AREL1: variants seen among roughly 807,000 people sequenced by gnomAD.
The protein encoded by AREL1 is apoptosis-resistant E3 ubiquitin protein ligase 1.
AREL1 carries 62 observed loss-of-function variants against 99.0 expected under a neutral mutation model. The observed-to-expected ratio is 0.63, with a 90% CI of 0.51 to 0.77. The LOEUF (loss-of-function observed/expected upper bound fraction) is 0.77. Among genes scored for constraint, AREL1 ranks in the 30% least tolerant of loss-of-function variants. AREL1 has a pLI of 0.00. For synonymous variants in AREL1, 380 were observed against 376.5 expected (o/e 1.01, Z -0.11); for missense variants, 879 against 1,027.6 (o/e 0.86, Z 1.98).
intron 1 of AREL1, among the ~76,000 whole-genome samples, chr14:74,695,719 C>T (rs1485261806): frequency 1.3e-5 from 2 of 152,174 alleles, no homozygotes; most frequent in Non-Finnish European, 2.9e-5. Context: ...AGCAGTCTCT[C>T]CTAATAGATT....
At chr14:74,695,006 A>AG (rs1176198875) in intron 1 of AREL1, among the ~76,000 whole-genome samples, 33 of 150,780 alleles carry the variant, frequency 2.2e-4, no homozygotes, top group Admixed American at 7.3e-4. Context: ...AAAAAAAAAA[A>AG]AAAGAAAGAA....
intron 1 of AREL1, among the ~76,000 whole-genome samples, chr14:74,696,022 C>G (rs1051934299): frequency 1.3e-5 from 2 of 152,256 alleles, no homozygotes; most frequent in South Asian, 2.1e-4. Flanking sequence ...TCCTAACAGC[C>G]GCCTGTTTTT....
In AREL1 at chr14:74,713,030, A is replaced by C; in HGVS notation, c.-431T>G. 1 of 1,156,432 alleles carries C rather than the reference A, an allele frequency of 8.6e-7. No individual in the cohort carries two copies. The highest frequency in any genetic ancestry group is 1.3e-5 in the South Asian group (1 of 79,772). The allele number at this position is 1,156,432 out of a possible 1,614,324, so 71.6% of individuals were successfully genotyped here. On this transcript the variant is annotated 5_prime_UTR_variant, in exon 1 of 20. Coordinates refer to ENST00000356357, the MANE Select transcript of AREL1 (RefSeq NM_001039479.2). ...AGACGGGCTCCCCACTCTCCCACCA[A>C]CAGACCCCAGAGTTGGTCTCCACCC...
In AREL1 at chr14:74,691,354, C is replaced by A. The variant is rs1048892107; in HGVS notation, c.-46+687G>T. 1.6e-4 allele frequency among the ~76,000 whole-genome samples: 21 copies of A among 131,638 alleles called. No individual in the cohort carries two copies. In the Admixed American group the frequency reaches 1.7e-3, roughly 10 times the overall value. 86.4% of individuals were successfully genotyped at this position (131,638 alleles called of 152,430 possible). A position where few individuals can be genotyped will look rare whatever the true frequency, so the allele number is the denominator to read the frequency against. ...AAAAAAAAAAAAAAAAAAAAGCCTACGTCTAACTCCGAAGCTCAATGCTCT... is the reference window on the plus strand; with the variant it reads ...AAAAAAAAAAAAAAAAAAAAGCCTAAGTCTAACTCCGAAGCTCAATGCTCT... On this transcript the variant is annotated intron_variant, in intron 2 of 19. Coordinates refer to ENST00000356357, the MANE Select transcript of AREL1 (RefSeq NM_001039479.2).
At chr14:74,675,280 G>A (rs1275153602) in intron 8 of AREL1, among the ~76,000 whole-genome samples, 2 of 152,214 alleles carry the variant, frequency 1.3e-5, no homozygotes, top group African/African-American at 4.8e-5. Context: ...TGAGATTAAA[G>A]AGATGCAATG....
At chr14:74,705,802 C>CGT (rs1025279100) in intron 1 of AREL1, among the ~76,000 whole-genome samples, 1 of 152,174 alleles carries the variant, frequency 6.6e-6, no homozygotes, top group Admixed American at 6.5e-5. Context: ...TCTTCAGACC[C>CGT]GTATTTCTTT....
chr14:74,677,500 CTTTTTTTTTTTTTTTT>C lies in AREL1; in HGVS notation c.482-764_482-749del, dbSNP rs58383006. On this transcript the variant is annotated intron_variant, in intron 5 of 19. Coordinates refer to ENST00000356357, the MANE Select transcript of AREL1 (RefSeq NM_001039479.2). The stretch of plus-strand genomic sequence containing the variant: ...GACAAAGGGAGACCCTGTCTCTCTC[CTTTTTTTTTTTTTTTT>C]TTTTTTTTGAGACAGAGTCACGCTC... Among the ~76,000 whole-genome samples, 126 of 63,176 alleles carry C rather than the reference CTTTTTTTTTTTTTTTT, an allele frequency of 2.0e-3. 1 individual carries two copies. The Admixed American group carries it at 0.022, about 11-fold the overall frequency. 41.4% of individuals were successfully genotyped at this position (63,176 alleles called of 152,430 possible). A position where few individuals can be genotyped will look rare whatever the true frequency, so the allele number is the denominator to read the frequency against.
At chr14:74,667,404 C>T (rs1338086123) in intron 16 of AREL1, 27 bp from the exon 17 acceptor site, 1 of 1,614,188 alleles carries the variant, frequency 6.2e-7, no homozygotes, top group South Asian at 1.1e-5. Flanking sequence ...AAGTTAAAGT[C>T]ATACCCACAC....
intron 2 of AREL1, among the ~76,000 whole-genome samples, chr14:74,689,469 C>T (rs2089821672): frequency 6.6e-6 from 1 of 152,058 alleles, no homozygotes; most frequent in Non-Finnish European, 1.5e-5. Context: ...ATCTCCTGAT[C>T]CTGAGGTCTA....
At chr14:74,702,318 T>C (rs1267090198) in intron 1 of AREL1, among the ~76,000 whole-genome samples, 1 of 152,232 alleles carries the variant, frequency 6.6e-6, no homozygotes, top group Non-Finnish European at 1.5e-5. Context: ...TCCTCTGAAA[T>C]CCAGGCAGAG....
At position 74,680,205 on chromosome 14, in the gene AREL1, A is replaced by G. The variant is rs557697920; in HGVS notation, c.481+3091T>C. Among the ~76,000 whole-genome samples, 28 of 149,884 alleles carry G rather than the reference A, an allele frequency of 1.9e-4. No homozygotes were observed. In the South Asian group the frequency reaches 4.2e-3, roughly 22 times the overall value. ...AAAAAGAAAAAAAGAAAGAAAGAAA[A>G]GAAAAGAAAAGAGAAAAGAAAAGAA... On this transcript the variant is annotated intron_variant, in intron 5 of 19. Transcript: ENST00000356357.
chr14:74,692,835 C>G (rs2089910917), intron 1 of AREL1, among the ~76,000 whole-genome samples: 6 of 152,146 alleles, frequency 3.9e-5, no homozygotes, highest in Admixed American at 3.9e-4. Context: ...TCCCAAGTAG[C>G]TGGGACTACA....
chr14:74,702,402 G>T (rs947514776), intron 1 of AREL1, among the ~76,000 whole-genome samples: 6 of 152,216 alleles, frequency 3.9e-5, no homozygotes, highest in African/African-American at 1.4e-4. Flanking sequence ...AAGGCTTGGG[G>T]CTTGCACCTT....
At chr14:74,691,737 T>C (rs1305976711) in intron 2 of AREL1, among the ~76,000 whole-genome samples, 1 of 152,222 alleles carries the variant, frequency 6.6e-6, no homozygotes, top group Non-Finnish European at 1.5e-5. Flanking sequence ...CTCAAGGGAC[T>C]GTTAGAAAGT....
chr14:74,678,776 A>G (rs2139900634), intron 5 of AREL1, among the ~76,000 whole-genome samples: 1 of 151,850 alleles, frequency 6.6e-6, no homozygotes, highest in Non-Finnish European at 1.5e-5. Context: ...CTAAATACAC[A>G]TTTTCAAACT....
In AREL1 at chr14:74,663,287, T is replaced by C; in HGVS notation, c.*433A>G. 1 of 244,340 alleles carries C rather than the reference T, an allele frequency of 4.1e-6. No homozygotes were observed. The highest frequency in any genetic ancestry group is 8.2e-6 in the Non-Finnish European group (1 of 121,402). The allele number at this position is 244,340 out of a possible 1,614,324, so 15.1% of individuals were successfully genotyped here. A position where few individuals can be genotyped will look rare whatever the true frequency, so the allele number is the denominator to read the frequency against. Reference sequence around the variant, plus strand: ...ACCCCACCCATGAGAAGGACTCAAGTACCAGTCTGGTCAAGTAGTGAGGGC... The same window carrying C: ...ACCCCACCCATGAGAAGGACTCAAGCACCAGTCTGGTCAAGTAGTGAGGGC... On this transcript the variant is annotated 3_prime_UTR_variant, in exon 20 of 20. Coordinates refer to ENST00000356357, the MANE Select transcript of AREL1 (RefSeq NM_001039479.2).
At position 74,712,939 on chromosome 14, in the gene AREL1, C is replaced by T. The variant is rs1173340615; in HGVS notation, c.-340G>A. On this transcript the variant is annotated 5_prime_UTR_variant, in exon 1 of 20. Transcript: ENST00000356357. ...GGCTGGAGAGAAACGTTACCCGAGC[C>T]GGGGGTTGCAGCGCGACGAAGTTCC... The T allele has an allele frequency of 7.3e-6, 5 of 686,186 alleles. No homozygotes were observed. Among genetic ancestry groups the T allele is most frequent in the Non-Finnish European group, 1.3e-5 (5 of 375,760 alleles). The allele number at this position is 686,186 out of a possible 1,614,324, so 42.5% of individuals were successfully genotyped here.
intron 1 of AREL1, among the ~76,000 whole-genome samples, chr14:74,700,143 G>A (rs1294671015): frequency 6.6e-6 from 1 of 152,236 alleles, no homozygotes; most frequent in African/African-American, 2.4e-5. Context: ...GTTCTCTGAA[G>A]GATGATGATA....
chr14:74,672,858 C>T lies in AREL1; in HGVS notation c.1395G>A (p.Lys465=), dbSNP rs1453914338. Residue 465 remains lysine, a synonymous_variant, in exon 11 of 20, where the codon AAG becomes AAA. Coordinates refer to ENST00000356357, the MANE Select transcript of AREL1 (RefSeq NM_001039479.2). ...ATTCCAACAAGGCATGTCTGCTGAC[C>T]TTCAGGGTGACTTTGGAATGTGGTC... ...MKRPHSKVTL[K]VSRHALLESS... 11 of 1,614,060 alleles carry T rather than the reference C, an allele frequency of 6.8e-6. No individual in the cohort carries two copies. Among genetic ancestry groups the T allele is most frequent in the African/African-American group, 1.3e-5 (1 of 74,910 alleles).
Sources: allele counts gnomAD v4.1 joint callset (sites outside exome capture counted in the v4.1 genomes callset), GRCh38; gene constraint gnomAD v4.1.1; transcripts MANE v1.5; gene names NCBI Gene and HGNC (gene_info 2026-07-23, HGNC 2026-07-21).